Variants in LIMD1 observed in about 807,000 individuals in gnomAD.
LIMD1 encodes the protein LIM domain containing 1.
LIMD1 carries 23 observed loss-of-function variants against 58.4 expected under a neutral mutation model. That is an observed-to-expected ratio of 0.39 (90% confidence interval 0.28 to 0.56). The LOEUF is 0.56. LIMD1 is among the 20% of genes least tolerant of loss of function. The pLI is 0.57. For synonymous variants in LIMD1, 334 were observed against 345.5 expected, an observed-to-expected ratio of 0.97 and a Z score of 0.37; for missense variants, 838 against 855.5, an observed-to-expected ratio of 0.98 and a Z score of 0.25.
chr3:45,606,994 A>G (rs2125649519), intron 1 of LIMD1, among the ~76,000 whole-genome samples: 1 of 152,258 alleles, frequency 6.6e-6, no homozygotes, highest in South Asian at 2.1e-4. Flanking sequence ...GGGTTTCACC[A>G]TGCTGGCCAG....
At chr3:45,674,099 T>TA (rs1388777865) in intron 6 of LIMD1, among the ~76,000 whole-genome samples, 6 of 152,206 alleles carry the variant, frequency 3.9e-5, no homozygotes, top group African/African-American at 1.4e-4. Flanking sequence ...AGTGTCCATG[T>TA]AGGTCTTTCT....
Position 45,594,883 on chromosome 3 carries a change from GATAA to G in LIMD1, c.5_8del (p.Asp2GlyfsTer16), listed in dbSNP as rs1701325868. ...GGCCCGGACACCTGTCTGCAGCATGGATAAGTATGACGACCTGGGCCTGGAGGCC... is the reference window on the plus strand; with the variant it reads ...GGCCCGGACACCTGTCTGCAGCATGGGTATGACGACCTGGGCCTGGAGGCC... On this transcript the variant is annotated frameshift_variant, in exon 1 of 8. Transcript: ENST00000273317. LOFTEE classifies it high-confidence loss of function. The G allele has an allele frequency of 6.2e-7, 1 of 1,601,934 alleles. No individual in the cohort carries two copies. Among genetic ancestry groups the G allele is most frequent in the Non-Finnish European group, 8.5e-7 (1 of 1,175,658 alleles).
chr3:45,667,184 C>T (rs1697531706), intron 3 of LIMD1, among the ~76,000 whole-genome samples: 2 of 152,194 alleles, frequency 1.3e-5, no homozygotes, highest in Admixed American at 1.3e-4. Context: ...GAATCCTCCA[C>T]AGACGTCTGA....
At chr3:45,632,459 TG>T in intron 1 of LIMD1, 2 of 951,778 alleles carry the variant, frequency 2.1e-6, no homozygotes, top group Non-Finnish European at 2.5e-6. Flanking sequence ...TGTCTGTGGC[TG>T]GGGGTGTTCA....
chr3:45,641,275 C>T (rs1342491546), intron 2 of LIMD1, among the ~76,000 whole-genome samples: 2 of 152,092 alleles, frequency 1.3e-5, no homozygotes, highest in East Asian at 3.8e-4. Context: ...CCTGTACTTC[C>T]TTGTTTTTCT....
At chr3:45,651,767 G>A (rs1327912016) in intron 2 of LIMD1, among the ~76,000 whole-genome samples, 1 of 151,952 alleles carries the variant, frequency 6.6e-6, no homozygotes, top group Admixed American at 6.6e-5. Context: ...CAAGTAGCTG[G>A]GATTACAGGC....
rs553757543 is a variant in LIMD1, at chr3:45,663,868, A to ATTTTTTT, written c.1511-1768_1511-1762dup. On this transcript the variant is annotated intron_variant, in intron 2 of 7. Coordinates refer to ENST00000273317, the MANE Select transcript of LIMD1 (RefSeq NM_014240.3). Reference sequence around the variant, plus strand: ...TAGTGCGTGGCACCATGCCTGGCTAATTTTTTTTTTTTTTTTTTTTGAGAC... The same window carrying ATTTTTTT: ...TAGTGCGTGGCACCATGCCTGGCTAATTTTTTTTTTTTTTTTTTTTTTTTTTTGAGAC... 8.0e-3 allele frequency among the ~76,000 whole-genome samples: 820 copies of ATTTTTTT among 102,766 alleles called. 58 individuals carry two copies. The highest frequency in any genetic ancestry group is 0.027 in the African/African-American group (629 of 23,308). The allele number at this position is 102,766 out of a possible 152,430, so 67.4% of individuals were successfully genotyped here. A position where few individuals can be genotyped will look rare whatever the true frequency, so the allele number is the denominator to read the frequency against.
chr3:45,615,070 A>G (rs13094153), intron 1 of LIMD1, among the ~76,000 whole-genome samples: 40,663 of 152,074 alleles, frequency 0.27, 6,882 homozygotes, highest in Middle Eastern at 0.43. Context: ...CTAAATTGAC[A>G]TAGGTAAATA....
intron 2 of LIMD1, among the ~76,000 whole-genome samples, chr3:45,648,898 C>T (rs1204718436): frequency 6.6e-6 from 1 of 152,014 alleles, no homozygotes; most frequent in Admixed American, 6.5e-5. Flanking sequence ...TTCTCAATTC[C>T]CTGCTCATTT....
At chr3:45,665,512 A>T in intron 2 of LIMD1, 138 bp from the exon 3 acceptor site, 1 of 655,132 alleles carries the variant, frequency 1.5e-6, no homozygotes, top group Non-Finnish European at 2.6e-6. Context: ...ATCTTTTAGG[A>T]ACTGGAAAGT....
At chr3:45,596,823 A>G (rs1701360785) in intron 1 of LIMD1, among the ~76,000 whole-genome samples, 1 of 150,518 alleles carries the variant, frequency 6.6e-6, no homozygotes, top group Non-Finnish European at 1.5e-5. Flanking sequence ...CAGTTGAGGC[A>G]GGTCAAACAC....
chr3:45,595,819 T>G lies in LIMD1; in HGVS notation c.940T>G (p.Ser314Ala). ...SCPRQGGLPR[S>A]NSGLGGEVSG... Reference sequence around the variant, plus strand: ...CCCCAGGCAAGGAGGTCTTCCAAGATCAAACTCGGGGCTGGGGGGTGAGGT... The same window carrying G: ...CCCCAGGCAAGGAGGTCTTCCAAGAGCAAACTCGGGGCTGGGGGGTGAGGT... The change falls in exon 1 of 8, where the codon TCA becomes GCA. Residue 314 changes from serine to alanine, a missense_variant. By Grantham distance (99) the Ser-to-Ala change is moderately conservative (BLOSUM62 1). This residue lies in a region of LIMD1 where 659 missense variants were observed against 639.8 expected (regional missense o/e 1.03). Coordinates refer to ENST00000273317, the MANE Select transcript of LIMD1 (RefSeq NM_014240.3). The G allele has an allele frequency of 6.2e-7, 1 of 1,614,158 alleles. No homozygotes were observed. The highest frequency in any genetic ancestry group is 2.2e-5 in the East Asian group (1 of 44,886).
chr3:45,672,310 A>G (rs1422782610), intron 4 of LIMD1, among the ~76,000 whole-genome samples: 1 of 152,076 alleles, frequency 6.6e-6, no homozygotes, highest in Non-Finnish European at 1.5e-5. Flanking sequence ...CCTGCTTTGC[A>G]TCGTTTCCCA....
intron 2 of LIMD1, among the ~76,000 whole-genome samples, chr3:45,641,747 G>T (rs568276618): frequency 1.2e-4 from 19 of 152,186 alleles, no homozygotes; most frequent in Non-Finnish European, 2.6e-4. Flanking sequence ...CACAAAGAAT[G>T]TGTCAAAGGT....
Position 45,672,756 on chromosome 3 carries a change from T to C in LIMD1, c.1708T>C (p.Leu570=), listed in dbSNP as rs1323890309. Residue 570 remains leucine (L), a synonymous_variant, in exon 5 of 8, where the codon TTG becomes CTG. Transcript: ENST00000273317. The part of the protein sequence containing the change: ...CFRCVICNEC[L]DGVPFTVDSE... ...CCGCTGTGTCATCTGTAATGAGTGT[T>C]TGGATGGGGTGCCCTTCACCGTGGA... 2 of 1,613,994 alleles carry C rather than the reference T, an allele frequency of 1.2e-6. No individual in the cohort carries two copies. Among genetic ancestry groups the C allele is most frequent in the Non-Finnish European group, 1.7e-6 (2 of 1,179,950 alleles).
intron 1 of LIMD1, among the ~76,000 whole-genome samples, chr3:45,626,107 T>C (rs763212420): frequency 2.0e-5 from 3 of 152,246 alleles, no homozygotes; most frequent in Non-Finnish European, 2.9e-5. Context: ...AACTGTCCCT[T>C]GTTTTTGCCC....
At chr3:45,675,892 C>T (rs1416667523) in intron 7 of LIMD1, among the ~76,000 whole-genome samples, 2 of 152,042 alleles carry the variant, frequency 1.3e-5, no homozygotes. Flanking sequence ...GTCTCAGCTA[C>T]TTAGGAAGCT....
Position 45,685,287 on chromosome 3 carries a change from C to T in LIMD1, c.*8228C>T, listed in dbSNP as rs1381319875. 3 of 152,166 alleles carry T rather than the reference C, an allele frequency of 2.0e-5. No homozygotes were observed. The highest frequency in any genetic ancestry group is 4.4e-5 in the Non-Finnish European group (3 of 68,032). The allele number at this position is 152,166 out of a possible 1,614,324, so 9.4% of individuals were successfully genotyped here. On this transcript the variant is annotated 3_prime_UTR_variant, in exon 8 of 8. Coordinates refer to ENST00000273317, the MANE Select transcript of LIMD1 (RefSeq NM_014240.3). ...TAAAAACCCCAGAAGAATGGGGTTTCTGCCAGATTATTTTCTGGTTTTCAG... is the reference window on the plus strand; with the variant it reads ...TAAAAACCCCAGAAGAATGGGGTTTTTGCCAGATTATTTTCTGGTTTTCAG...
At position 45,685,554 on chromosome 3, in the gene LIMD1, GTCT is replaced by G. The variant is rs1220808497; in HGVS notation, c.*8500_*8502del. 6.6e-6 allele frequency: 1 copy of G among 152,214 alleles called. No homozygotes were observed. Among genetic ancestry groups the G allele is most frequent in the Non-Finnish European group, 1.5e-5 (1 of 68,048 alleles). The allele number at this position is 152,214 out of a possible 1,614,324, so 9.4% of individuals were successfully genotyped here. A position where few individuals can be genotyped will look rare whatever the true frequency, so the allele number is the denominator to read the frequency against. On this transcript the variant is annotated 3_prime_UTR_variant, in exon 8 of 8. Transcript: ENST00000273317. ...AAGCATCATAAGGACTAGAAATGGG[GTCT>G]TCTTGTTGCTAATTAGTAGGGGTGA... is the stretch of plus-strand genomic sequence containing the variant.
Sources: allele counts gnomAD v4.1 joint callset (sites outside exome capture counted in the v4.1 genomes callset), GRCh38; gene constraint gnomAD v4.1.1; regional missense constraint gnomAD v4.1.1; transcripts MANE v1.5; gene names NCBI Gene and HGNC (gene_info 2026-07-23, HGNC 2026-07-21).